Variants in TTLL1 observed in about 807,000 individuals in gnomAD.
The protein encoded by TTLL1 is TTL family tubulin polyglutamylase complex subunit L1.
In TTLL1, 33 loss-of-function variants were observed where a neutral mutation model predicts 47.8. The observed-to-expected ratio is 0.69, with a 90% CI of 0.52 to 0.92. TTLL1 has a LOEUF of 0.92. Ranked by LOEUF, TTLL1 falls within the 40% of genes least tolerant of loss-of-function variation. TTLL1 has a pLI of 0.00. For missense variants in TTLL1, 488 were observed against 547.5 expected, an observed-to-expected ratio of 0.89 and a Z score of 1.08; for synonymous variants, 225 against 214.1, an observed-to-expected ratio of 1.05 and a Z score of -0.45.
Position 43,068,232 on chromosome 22 carries a change from G to A in TTLL1, c.503+178C>T, listed in dbSNP as rs12168642. ...CTCGGGAGGCTGAAGCAGGAGAATC[G>A]CTTGAACCCAGAAGGCGGAGGTTGC... On this transcript the variant is annotated intron_variant, in intron 5 of 10. Coordinates refer to ENST00000266254, the MANE Select transcript of TTLL1 (RefSeq NM_012263.5). Among the ~76,000 whole-genome samples the A allele has an allele frequency of 0.21, 32,307 of 151,426 alleles. 5,271 individuals are homozygous for A. Among genetic ancestry groups the A allele is most frequent in the East Asian group, 0.69 (3,491 of 5,044 alleles).
In TTLL1 at chr22:43,046,561, G is replaced by A. The variant is rs1569412682; in HGVS notation, c.991C>T (p.Pro331Ser). Reference sequence around the variant, plus strand: ...TTGGCAGTGCTGGACGTGAGAGACGGGGACGCATTCACCTGTGAGATGAAA... The same window carrying A: ...TTGGCAGTGCTGGACGTGAGAGACGAGGACGCATTCACCTGTGAGATGAAA... Reference protein sequence around the residue: ...KPWLIEVNASPSLTSSTANDR... With the variant: ...KPWLIEVNASSSLTSSTANDR... The change falls in exon 10 of 11, where the codon CCG (proline) becomes TCG (serine). Residue 331 changes from proline to serine, a missense_variant. Pro to Ser is a moderately conservative substitution (Grantham distance 74). Coordinates refer to ENST00000266254, the MANE Select transcript of TTLL1 (RefSeq NM_012263.5). 1 of 1,614,012 alleles carries A rather than the reference G, an allele frequency of 6.2e-7. No homozygotes were observed. Among genetic ancestry groups the A allele is most frequent in the Non-Finnish European group, 8.5e-7 (1 of 1,179,950 alleles).
intron 10 of TTLL1, among the ~76,000 whole-genome samples, chr22:43,044,301 C>T (rs1306357916): frequency 2.0e-5 from 3 of 152,132 alleles, no homozygotes; most frequent in East Asian, 1.9e-4. Context: ...GTAGAGGCCC[C>T]GAGGTTGCCG....
At chr22:43,042,788 T>C (rs757365174) in intron 10 of TTLL1, among the ~76,000 whole-genome samples, 1 of 152,158 alleles carries the variant, frequency 6.6e-6, no homozygotes, top group Non-Finnish European at 1.5e-5. Flanking sequence ...AAGCAAGCCC[T>C]GACTAGAAGC....
chr22:43,077,384 C>T (rs1288868299), intron 2 of TTLL1, among the ~76,000 whole-genome samples: 6 of 152,182 alleles, frequency 3.9e-5, no homozygotes, highest in Non-Finnish European at 8.8e-5. Context: ...AAATGAATGT[C>T]GCTTGCTCCA....
chr22:43,049,483 A>G (rs1232905352), intron 9 of TTLL1, among the ~76,000 whole-genome samples: 1 of 151,938 alleles, frequency 6.6e-6, no homozygotes, highest in Non-Finnish European at 1.5e-5. Context: ...AGATGGCGCC[A>G]TTGCACTCCA....
rs1365972444 is a variant in TTLL1, at chr22:43,071,611, C to T, written c.114-1767G>A. Among the ~76,000 whole-genome samples the T allele has an allele frequency of 5.3e-5, 8 of 151,798 alleles. 2 individuals are homozygous for T. The highest frequency in any genetic ancestry group is 2.0e-4 in the East Asian group (1 of 5,096). ...TTTTAGTAGAGACGGGGTTTTGCCA[C>T]GTTGGCCAGGCTGGTCTCAAACTCC... On this transcript the variant is annotated intron_variant, in intron 3 of 10. Transcript: ENST00000266254.
At chr22:43,074,972 G>A (rs1928387108) in intron 3 of TTLL1, among the ~76,000 whole-genome samples, 1 of 152,086 alleles carries the variant, frequency 6.6e-6, no homozygotes, top group African/African-American at 2.4e-5. Flanking sequence ...TTCAAGACCA[G>A]CCCGGCCAAC....
intron 1 of TTLL1, among the ~76,000 whole-genome samples, chr22:43,084,723 G>A (rs888692725): frequency 5.3e-5 from 8 of 151,152 alleles, no homozygotes; most frequent in African/African-American, 1.2e-4. Context: ...GGATGGTCTC[G>A]ATCTCCTGAC....
intron 9 of TTLL1, among the ~76,000 whole-genome samples, chr22:43,049,086 C>T (rs568877413): frequency 6.7e-6 from 1 of 149,838 alleles, no homozygotes; most frequent in South Asian, 2.1e-4. Flanking sequence ...CAGCATTCTG[C>T]AATATATCCA....
chr22:43,057,844 C>T (rs971896599), intron 8 of TTLL1, among the ~76,000 whole-genome samples: 5 of 152,056 alleles, frequency 3.3e-5, no homozygotes, highest in Non-Finnish European at 5.9e-5. Flanking sequence ...ACCTGTTCTA[C>T]TTCCCAGCTC....
intron 8 of TTLL1, among the ~76,000 whole-genome samples, chr22:43,057,952 A>T (rs117412408): frequency 0.29 from 34,707 of 120,750 alleles, 4,525 homozygotes; most frequent in Middle Eastern, 0.41. Flanking sequence ...ATATATATAT[A>T]TTTTTTTTTT....
intron 3 of TTLL1, chr22:43,070,121 TA>T: frequency 7.2e-7 from 1 of 1,382,514 alleles, no homozygotes; most frequent in African/African-American, 1.5e-5. Flanking sequence ...GTTTATTGAT[TA>T]GTGATAACAC....
chr22:43,046,677 G>GTT, intron 9 of TTLL1, 104 bp from the exon 10 acceptor site: 8 of 1,329,888 alleles, frequency 6.0e-6, no homozygotes, highest in South Asian at 1.4e-5. Context: ...CTTTAGTGAA[G>GTT]TTTTTTTTTG....
intron 1 of TTLL1, among the ~76,000 whole-genome samples, chr22:43,086,407 C>T (rs1929231277): frequency 6.6e-6 from 1 of 152,100 alleles, no homozygotes; most frequent in Admixed American, 6.6e-5. Context: ...GGGTCTCGCT[C>T]CTGGGGCAAC....
chr22:43,086,421 G>C (rs897728827), intron 1 of TTLL1, among the ~76,000 whole-genome samples: 5 of 152,108 alleles, frequency 3.3e-5, no homozygotes. Flanking sequence ...GGGCAACTGG[G>C]TAGGATCGTC....
At chr22:43,067,615 G>A (rs576056184) in intron 5 of TTLL1, among the ~76,000 whole-genome samples, 60 of 152,210 alleles carry the variant, frequency 3.9e-4, no homozygotes, top group African/African-American at 1.4e-3. Flanking sequence ...CCACCGTGAC[G>A]CCACGTGACA....
intron 1 of TTLL1, among the ~76,000 whole-genome samples, chr22:43,083,367 T>TCAAA (rs1929023616): frequency 6.6e-6 from 1 of 151,258 alleles, no homozygotes; most frequent in Admixed American, 6.6e-5. Flanking sequence ...AGACTTAGTC[T>TCAAA]CAAACAAACA....
At chr22:43,060,282 T>C (rs754315402) in intron 7 of TTLL1, among the ~76,000 whole-genome samples, 2 of 152,224 alleles carry the variant, frequency 1.3e-5, no homozygotes, top group Non-Finnish European at 2.9e-5. Context: ...TGCCCTTGGC[T>C]TGAGGGAGCT....
chr22:43,071,218 C>A (rs537453452), intron 3 of TTLL1, among the ~76,000 whole-genome samples: 1 of 151,678 alleles, frequency 6.6e-6, no homozygotes. Flanking sequence ...TGCTTGGCAA[C>A]GGCAGGAATA....
Sources: gnomAD v4.1 joint callset for allele counts (sites outside exome capture counted in the v4.1 genomes callset) on GRCh38, gnomAD v4.1.1 for gene constraint, MANE v1.5 for transcripts, NCBI Gene and HGNC (gene_info 2026-07-23, HGNC 2026-07-21) for gene names.